The following KIAA0825 variants were observed in gnomAD, a reference collection of about 807,000 sequenced individuals.
KIAA0825 encodes the protein uncharacterized protein KIAA0825.
In KIAA0825, 119 loss-of-function variants were observed where a neutral mutation model predicts 147.6. That is an observed-to-expected ratio of 0.81 (90% CI 0.69 to 0.94). KIAA0825 has a LOEUF of 0.94. Ranked by LOEUF, KIAA0825 falls within the 40% of genes least tolerant of loss-of-function variation. The pLI, the probability that KIAA0825 is intolerant of heterozygous loss-of-function variation, is 0.00. For synonymous variants in KIAA0825, 470 were observed against 518.1 expected (o/e 0.91, Z 1.26); for missense variants, 1,381 against 1,472.7 (o/e 0.94, Z 1.02).
chr5:94,601,381 C>A (rs1478626229), intron 1 of KIAA0825, among the ~76,000 whole-genome samples: 1 of 152,108 alleles, frequency 6.6e-6, no homozygotes, highest in African/African-American at 2.4e-5. Flanking sequence ...AACGAAAAAA[C>A]CCCAAACCCC....
At chr5:94,353,427 C>T (rs1187041678) in intron 20 of KIAA0825, among the ~76,000 whole-genome samples, 2 of 152,132 alleles carry the variant, frequency 1.3e-5, no homozygotes, top group Non-Finnish European at 2.9e-5. Flanking sequence ...ATTTCATTAA[C>T]ACTTTACTGG....
intron 2 of KIAA0825, among the ~76,000 whole-genome samples, chr5:94,561,913 C>A (rs1464454175): frequency 6.6e-6 from 1 of 152,038 alleles, no homozygotes; most frequent in East Asian, 1.9e-4. Flanking sequence ...CTATATATAA[C>A]TATAATAACG....
chr5:94,444,876 G>A (rs72771678), intron 13 of KIAA0825, among the ~76,000 whole-genome samples: 27,397 of 151,988 alleles, frequency 0.18, 3,206 homozygotes, highest in Admixed American at 0.28. Context: ...GTATTAATCC[G>A]TTTTCACATT....
chr5:94,350,127 A>G (rs1303828172), intron 20 of KIAA0825, among the ~76,000 whole-genome samples: 1 of 152,216 alleles, frequency 6.6e-6, no homozygotes, highest in Non-Finnish European at 1.5e-5. Flanking sequence ...AATACAAAAG[A>G]TCATTCAAGG....
chr5:94,230,682 C>T (rs1289335065), intron 20 of KIAA0825, among the ~76,000 whole-genome samples: 3 of 152,040 alleles, frequency 2.0e-5, no homozygotes, highest in African/African-American at 7.2e-5. Flanking sequence ...ACAAACAGTT[C>T]TCAATGAACT....
rs1224211654 is a variant in KIAA0825 at position 94,153,185 on chromosome 5, T to G, written c.*822A>C. The G allele has an allele frequency of 6.6e-6, 1 of 151,718 alleles. No homozygotes were observed. Among genetic ancestry groups the G allele is most frequent in the Non-Finnish European group, 1.5e-5 (1 of 67,954 alleles). The allele number at this position is 151,718 out of a possible 1,614,324, so 9.4% of individuals were successfully genotyped here. A position where few individuals can be genotyped will look rare whatever the true frequency, so the allele number is the denominator to read the frequency against. ...CTAGAGCATGTTCTGTTTTCTTATT[T>G]TGTGTGTGTGTATCAATACAATGAA... On this transcript the variant is annotated 3_prime_UTR_variant, in exon 21 of 21. Transcript: ENST00000682413.
intron 20 of KIAA0825, among the ~76,000 whole-genome samples, chr5:94,265,028 C>T (rs1432262917): frequency 2.0e-5 from 3 of 152,086 alleles, no homozygotes; most frequent in East Asian, 1.9e-4. Context: ...AGTGATCTGC[C>T]CGCCTTGGCC....
chr5:94,186,678 T>G (rs1032103797), intron 20 of KIAA0825, among the ~76,000 whole-genome samples: 1 of 152,196 alleles, frequency 6.6e-6, no homozygotes, highest in Non-Finnish European at 1.5e-5. Flanking sequence ...TGCTCAGAGA[T>G]AGACCAATCA....
intron 20 of KIAA0825, among the ~76,000 whole-genome samples, chr5:94,330,662 G>C (rs572866239): frequency 6.6e-6 from 1 of 151,882 alleles, no homozygotes; most frequent in East Asian, 1.9e-4. Context: ...TTAGAAAAAA[G>C]CACAGCAAAA....
At chr5:94,180,372 G>A (rs947189464) in intron 20 of KIAA0825, among the ~76,000 whole-genome samples, 14 of 152,070 alleles carry the variant, frequency 9.2e-5, no homozygotes, top group African/African-American at 3.1e-4. Context: ...CTGTGCTGTC[G>A]TAGATTGGAA....
At chr5:94,422,389 A>G (rs193182705) in intron 14 of KIAA0825, among the ~76,000 whole-genome samples, 90 of 152,272 alleles carry the variant, frequency 5.9e-4, no homozygotes, top group Non-Finnish European at 1.2e-3. Flanking sequence ...TAGTCCAATT[A>G]TACTTCTGCC....
intron 20 of KIAA0825, among the ~76,000 whole-genome samples, chr5:94,316,531 T>A (rs1779677062): frequency 6.6e-6 from 1 of 151,730 alleles, no homozygotes; most frequent in Non-Finnish European, 1.5e-5. Flanking sequence ...AATCCAAATC[T>A]ACTTCAGAGT....
chr5:94,165,055 T>G (rs1767910187), intron 20 of KIAA0825, among the ~76,000 whole-genome samples: 1 of 151,762 alleles, frequency 6.6e-6, no homozygotes, highest in Non-Finnish European at 1.5e-5. Context: ...AAGGATACAA[T>G]CAACAAAGCA....
intron 20 of KIAA0825, among the ~76,000 whole-genome samples, chr5:94,358,527 T>C (rs771887978): frequency 6.6e-5 from 10 of 152,340 alleles, no homozygotes; most frequent in Middle Eastern, 3.4e-3. Context: ...TAAAGATAAA[T>C]ACCTGTTTTT....
At chr5:94,443,350 GTA>G (rs764075741) in intron 13 of KIAA0825, among the ~76,000 whole-genome samples, 98 of 125,318 alleles carry the variant, frequency 7.8e-4, no homozygotes, top group Non-Finnish European at 8.4e-4. Flanking sequence ...ATATATATAT[GTA>G]TATATATACA....
intron 20 of KIAA0825, among the ~76,000 whole-genome samples, chr5:94,286,686 G>T (rs1233124197): frequency 6.6e-6 from 1 of 152,080 alleles, no homozygotes; most frequent in Non-Finnish European, 1.5e-5. Context: ...CAAGTAGCTG[G>T]ACTATAGGTG....
At chr5:94,403,967 A>T (rs398845) in intron 15 of KIAA0825, among the ~76,000 whole-genome samples, 174 bp from the exon 16 acceptor site, 1 of 122,668 alleles carries the variant, frequency 8.2e-6, no homozygotes, top group African/African-American at 2.5e-5. Flanking sequence ...TTTTAAAAAG[A>T]TTCTTCTTCT....
chr5:94,538,621 C>G (rs1215877302), intron 2 of KIAA0825, among the ~76,000 whole-genome samples: 1 of 152,234 alleles, frequency 6.6e-6, no homozygotes, highest in Admixed American at 6.5e-5. Flanking sequence ...TCTCCACTTT[C>G]ATGCTATTGA....
intron 20 of KIAA0825, among the ~76,000 whole-genome samples, chr5:94,314,238 AG>A (rs1779442117): frequency 6.6e-6 from 1 of 151,696 alleles, no homozygotes; most frequent in Non-Finnish European, 1.5e-5. Context: ...AAAAATGTGC[AG>A]AAGCAATATA....
Sources: allele counts gnomAD v4.1 joint callset (sites outside exome capture counted in the v4.1 genomes callset), GRCh38; gene constraint gnomAD v4.1.1; transcripts MANE v1.5; gene names NCBI Gene and HGNC (gene_info 2026-07-23, HGNC 2026-07-21).